HIVEP3: variants seen among roughly 807,000 people sequenced by gnomAD.
The protein encoded by HIVEP3 is HIVEP zinc finger 3, also known as transcription factor HIVEP3.
A neutral mutation model predicts 152.8 loss-of-function variants in HIVEP3; 49 were observed. The observed-to-expected ratio is 0.32, with a 90% CI of 0.26 to 0.41. The LOEUF is 0.41. Among genes scored for constraint, HIVEP3 ranks in the 10% least tolerant of loss-of-function variants. The pLI is 1.00. For synonymous variants in HIVEP3, 1,269 were observed against 1,289.0 expected, an observed-to-expected ratio of 0.98 and a Z score of 0.33; for missense variants, 2,790 against 3,103.3, an observed-to-expected ratio of 0.90 and a Z score of 2.40.
intron 3 of HIVEP3, among the ~76,000 whole-genome samples, chr1:41,597,495 C>T (rs1256143349): frequency 1.3e-5 from 2 of 152,216 alleles, no homozygotes; most frequent in East Asian, 1.9e-4. Flanking sequence ...CGCAAATTCA[C>T]TCATTTATTC....
At chr1:41,527,243 TCACACACA>T (rs201377725) in intron 5 of HIVEP3, among the ~76,000 whole-genome samples, 1 of 28,556 alleles carries the variant, frequency 3.5e-5, no homozygotes, top group Non-Finnish European at 6.9e-5. Context: ...CACACTCACC[TCACACACA>T]CACACCCTCA....
chr1:41,709,095 C>T (rs1283243454), intron 1 of HIVEP3, among the ~76,000 whole-genome samples: 1 of 152,168 alleles, frequency 6.6e-6, no homozygotes, highest in Non-Finnish European at 1.5e-5. Flanking sequence ...TGGCATATGG[C>T]CCTGGACTGT....
chr1:41,540,353 G>A (rs1045095457), intron 5 of HIVEP3, among the ~76,000 whole-genome samples: 10 of 152,230 alleles, frequency 6.6e-5, no homozygotes, highest in East Asian at 1.9e-4. Context: ...CATGAAGGCC[G>A]TGAAACAGTT....
chr1:41,563,772 CAGAACA>C (rs1470978653), intron 5 of HIVEP3, among the ~76,000 whole-genome samples: 1 of 152,058 alleles, frequency 6.6e-6, no homozygotes, highest in African/African-American at 2.4e-5. Context: ...AACCTAAAAA[CAGAACA>C]AGAACAAAGC....
chr1:41,579,523 G>A (rs567023590), intron 4 of HIVEP3, among the ~76,000 whole-genome samples: 3 of 152,202 alleles, frequency 2.0e-5, no homozygotes, highest in African/African-American at 4.8e-5. Context: ...CTTTATTGAA[G>A]TGTATCTATT....
intron 1 of HIVEP3, among the ~76,000 whole-genome samples, chr1:41,954,317 G>A (rs1454162210): frequency 6.6e-6 from 1 of 152,206 alleles, no homozygotes; most frequent in Non-Finnish European, 1.5e-5. Flanking sequence ...GAACTCATTA[G>A]TACTTTCTAG....
chr1:41,840,471 TAG>T (rs1643255626), intron 1 of HIVEP3, among the ~76,000 whole-genome samples: 1 of 152,178 alleles, frequency 6.6e-6, no homozygotes, highest in South Asian at 2.1e-4. Context: ...GATCCTTCCC[TAG>T]AGACTTTGGA....
chr1:41,621,677 T>A (rs1262763065), intron 3 of HIVEP3, among the ~76,000 whole-genome samples: 2 of 152,206 alleles, frequency 1.3e-5, no homozygotes, highest in African/African-American at 4.8e-5. Flanking sequence ...CACATCTGGC[T>A]AAATTTTTTA....
Position 41,727,737 on chromosome 1 carries a change from G to A in HIVEP3, c.-800-26742C>T, listed in dbSNP as rs960667046. Reference sequence around the variant, plus strand: ...ACTTTGGCAAGCATGGCCTCATCCCGCCAGCCTAGGAAGGAGCACCAGACA... The same window carrying A: ...ACTTTGGCAAGCATGGCCTCATCCCACCAGCCTAGGAAGGAGCACCAGACA... On this transcript the variant is annotated intron_variant, in intron 1 of 8. Transcript: ENST00000372583. Among the ~76,000 whole-genome samples the A allele has an allele frequency of 2.6e-5, 4 of 152,202 alleles. No homozygotes were observed. In the East Asian group the frequency reaches 7.7e-4, roughly 29 times the overall value.
chr1:41,918,035 T>A lies in HIVEP3; in HGVS notation c.-801+378A>T, dbSNP rs768593762. On this transcript the variant is annotated intron_variant, in intron 1 of 8. Coordinates refer to ENST00000372583, the MANE Select transcript of HIVEP3 (RefSeq NM_024503.5). This position sits in a 1 kb window ranked among gnomAD's most constrained non-coding sequence, Gnocchi z 4.3. ...AGGCTCCTATGGAGCCGGCCGCCAGTGCGCGGGTGCAGAGCCCAGCAGAGC... is the reference window on the plus strand; with the variant it reads ...AGGCTCCTATGGAGCCGGCCGCCAGAGCGCGGGTGCAGAGCCCAGCAGAGC... 1.2e-4 allele frequency among the ~76,000 whole-genome samples: 18 copies of A among 152,172 alleles called. No individual in the cohort carries two copies. Among genetic ancestry groups the A allele is most frequent in the Non-Finnish European group, 1.9e-4 (13 of 68,010 alleles).
At position 41,524,913 on chromosome 1, in the gene HIVEP3, A is replaced by G. The variant is rs759226691; in HGVS notation, c.5208-3T>C. 1.2e-6 allele frequency: 2 copies of G among 1,611,494 alleles called. No individual in the cohort carries two copies. Among genetic ancestry groups the G allele is most frequent in the African/African-American group, 1.3e-5 (1 of 74,924 alleles). On this transcript the variant is annotated splice_region_variant and splice_polypyrimidine_tract_variant and intron_variant, in intron 5 of 8. Coordinates refer to ENST00000372583, the MANE Select transcript of HIVEP3 (RefSeq NM_024503.5). ...CATACTCTTCGTTTGATTTGTACCT[A>G]TGAGCAACAGGCGTCATAGTAAAGG...
rs1477115936 is a variant in HIVEP3 at position 41,581,949 on chromosome 1, T to C, written c.2849A>G (p.Glu950Gly). 1 of 1,614,148 alleles carries C rather than the reference T, an allele frequency of 6.2e-7. No homozygotes were observed. The highest frequency in any genetic ancestry group is 2.2e-5 in the East Asian group (1 of 44,878). ...CTCGGCTTTCCCATGGTCATCCCTC[T>C]CAAACGAGGCTGAGCGGCTGGACCC... ...LSGSSRSASF[E>G]RDDHGKAEAP... is the part of the protein sequence containing the mutation. Residue 950 changes from glutamate to glycine, a missense_variant, in exon 4 of 9, where the codon GAG (glutamate) becomes GGG (glycine). Transcript: ENST00000372583. This position sits in a 1 kb window ranked among gnomAD's most constrained non-coding sequence, Gnocchi z 4.5.
At chr1:41,636,117 A>G (rs1239245527) in intron 2 of HIVEP3, among the ~76,000 whole-genome samples, 3 of 152,244 alleles carry the variant, frequency 2.0e-5, no homozygotes, top group Non-Finnish European at 4.4e-5. Context: ...ACAAAACAGA[A>G]AAGGTCTATG....
chr1:41,807,728 G>A (rs1650719166), intron 1 of HIVEP3, among the ~76,000 whole-genome samples: 1 of 152,194 alleles, frequency 6.6e-6, no homozygotes, highest in Non-Finnish European at 1.5e-5. Flanking sequence ...AGATGCTCTG[G>A]GAGGTCAAGA....
chr1:41,696,227 T>C (rs1646272014), intron 2 of HIVEP3, among the ~76,000 whole-genome samples: 1 of 152,260 alleles, frequency 6.6e-6, no homozygotes, highest in African/African-American at 2.4e-5. Flanking sequence ...TCTCAGCTGT[T>C]CCAGCTCCAG....
intron 5 of HIVEP3, among the ~76,000 whole-genome samples, chr1:41,529,538 A>AT (rs1553221562): frequency 2.1e-5 from 1 of 47,906 alleles, no homozygotes. Flanking sequence ...ACCCTCACAC[A>AT]CCCGACTCTC....
intron 5 of HIVEP3, among the ~76,000 whole-genome samples, chr1:41,575,285 C>T (rs1339511514): frequency 6.6e-6 from 1 of 152,168 alleles, no homozygotes; most frequent in Non-Finnish European, 1.5e-5. Context: ...AAATGAGGGG[C>T]TGGAGAAAGA....
intron 1 of HIVEP3, among the ~76,000 whole-genome samples, chr1:41,881,929 A>C (rs1644267919): frequency 6.6e-6 from 1 of 152,258 alleles, no homozygotes; most frequent in Non-Finnish European, 1.5e-5. Flanking sequence ...AAACAACAAA[A>C]GAAACAAACA....
intron 1 of HIVEP3, among the ~76,000 whole-genome samples, chr1:41,806,161 C>T (rs1035010588): frequency 1.3e-5 from 2 of 152,194 alleles, no homozygotes; most frequent in Non-Finnish European, 2.9e-5. Context: ...CTCTGCTCTC[C>T]AGACAAACAC....
Sources: gnomAD v4.1 joint callset for allele counts (sites outside exome capture counted in the v4.1 genomes callset) on GRCh38, gnomAD v4.1.1 for gene constraint, Gnocchi (gnomAD v3.1) non-coding constraint, MANE v1.5 for transcripts, NCBI Gene and HGNC (gene_info 2026-07-23, HGNC 2026-07-21) for gene names.